PADI6: variants seen among roughly 807,000 people sequenced by gnomAD.
The protein encoded by PADI6 is peptidyl arginine deiminase 6.
In PADI6, 66 loss-of-function variants were observed where a neutral mutation model predicts 78.2. That is an observed-to-expected ratio of 0.84 (90% CI 0.69 to 1.04). PADI6 has a LOEUF of 1.04. Ranked by LOEUF, PADI6 falls within the 50% of genes least tolerant of loss-of-function variation. The pLI is 0.00. For missense variants in PADI6, 854 were observed against 866.1 expected (o/e 0.99, Z 0.18); for synonymous variants, 397 against 346.9 (o/e 1.14, Z -1.60).
chr1:17,397,541 T>TTGC (rs990821068), intron 14 of PADI6, among the ~76,000 whole-genome samples: 61 of 152,262 alleles, frequency 4.0e-4, no homozygotes, highest in African/African-American at 1.4e-3. Flanking sequence ...GGAGTTTACT[T>TTGC]TGCTATGACT....
chr1:17,392,070 G>C (rs774267776), intron 8 of PADI6, 44 bp from the exon 9 acceptor site: 105 of 1,496,574 alleles, frequency 7.0e-5, no homozygotes, highest in Non-Finnish European at 9.3e-5. Context: ...ACCAGTAAGG[G>C]ACCTTCGAAA....
At chr1:17,388,296 G>A in intron 6 of PADI6, 85 bp from the exon 7 acceptor site, 1 of 1,271,330 alleles carries the variant, frequency 7.9e-7, no homozygotes, top group Non-Finnish European at 1.1e-6. Context: ...CATCTGATAT[G>A]AGGAATGAGC....
chr1:17,393,875 A>G (rs2075217137), intron 9 of PADI6, 100 bp from the exon 10 acceptor site: 2 of 989,830 alleles, frequency 2.0e-6, no homozygotes, highest in African/African-American at 3.2e-5. Flanking sequence ...GTTGAGCAGG[A>G]GTTGGCAGGA....
chr1:17,373,287 G>A lies in PADI6; in HGVS notation c.294+54G>A, dbSNP rs192094366. On this transcript the variant is annotated intron_variant, in intron 2 of 15. Transcript: ENST00000619609. ...ATCTCCCGGGGTGGGACCTAGCACA[G>A]CCACTGGGGCTTCCTCCTGGCTGCA... 305 of 1,581,392 alleles carry A rather than the reference G, an allele frequency of 1.9e-4. 5 individuals are homozygous for A. In the Admixed American group the frequency reaches 5.1e-3, roughly 26 times the overall value.
chr1:17,398,365 A>C (rs2075266889), intron 14 of PADI6, among the ~76,000 whole-genome samples: 2 of 152,094 alleles, frequency 1.3e-5, no homozygotes, highest in South Asian at 4.1e-4. Flanking sequence ...GTTATGTCTG[A>C]AGCCTATTTC....
rs560611714 is a variant in PADI6 at position 17,377,498 on chromosome 1, TG to T, written c.367+2001del. Among the ~76,000 whole-genome samples the T allele has an allele frequency of 5.9e-5, 9 of 152,264 alleles. No homozygotes were observed. In the South Asian group the frequency reaches 1.9e-3, roughly 32 times the overall value. ...GCAGGCTGCTCCCACAAACCCGACT[TG>T]GATATTGCCTACCCAGCATGATCGC... is the stretch of plus-strand genomic sequence containing the variant. On this transcript the variant is annotated intron_variant, in intron 3 of 15. Transcript: ENST00000619609.
intron 3 of PADI6, among the ~76,000 whole-genome samples, 158 bp downstream of exon 3, chr1:17,375,657 G>A (rs1417205425): frequency 2.6e-5 from 4 of 151,936 alleles, no homozygotes; most frequent in Non-Finnish European, 2.9e-5. Flanking sequence ...GGATTCATTT[G>A]AGATACCCAC....
At chr1:17,397,920 A>G (rs184553418) in intron 14 of PADI6, among the ~76,000 whole-genome samples, 30 of 152,278 alleles carry the variant, frequency 2.0e-4, no homozygotes, top group African/African-American at 7.0e-4. Flanking sequence ...ATCAGACTCA[A>G]ATAGACGAGG....
chr1:17,398,604 G>C lies in PADI6; in HGVS notation c.1690-82G>C, dbSNP rs1404726763. 3 of 860,538 alleles carry C rather than the reference G, an allele frequency of 3.5e-6. No homozygotes were observed. The Admixed American group carries it at 6.4e-5, about 18-fold the overall frequency. 53.3% of individuals were successfully genotyped at this position (860,538 alleles called of 1,614,324 possible). On this transcript the variant is annotated intron_variant, in intron 14 of 15. Coordinates refer to ENST00000619609, the MANE Select transcript of PADI6 (RefSeq NM_207421.4). ...GGTGTCAGGCCATCACCTACCTTCA[G>C]TATGGAAGGAAACTGGTTTTAATTC...
chr1:17,383,320 A>G (rs900295315), intron 6 of PADI6, among the ~76,000 whole-genome samples: 1 of 152,190 alleles, frequency 6.6e-6, no homozygotes, highest in South Asian at 2.1e-4. Context: ...TAGCCAGAAA[A>G]GGTAGCCCAG....
intron 6 of PADI6, among the ~76,000 whole-genome samples, chr1:17,383,546 T>C (rs958928600): frequency 1.3e-5 from 2 of 152,198 alleles, no homozygotes; most frequent in Admixed American, 6.5e-5. Flanking sequence ...ACCGGTTTCT[T>C]TATTGAAAAA....
chr1:17,385,274 C>T (rs2075109098), intron 6 of PADI6, among the ~76,000 whole-genome samples: 1 of 152,168 alleles, frequency 6.6e-6, no homozygotes, highest in African/African-American at 2.4e-5. Flanking sequence ...TTTTCTCCAG[C>T]ATCTCAGGTG....
intron 3 of PADI6, among the ~76,000 whole-genome samples, chr1:17,376,314 G>C (rs2075015559): frequency 6.6e-6 from 1 of 150,614 alleles, no homozygotes; most frequent in Admixed American, 6.6e-5. Context: ...GTTTGTTTTT[G>C]TTTGAGATGG....
intron 15 of PADI6, 104 bp downstream of exon 15, chr1:17,398,951 G>A (rs539271597): frequency 3.9e-5 from 50 of 1,282,482 alleles, no homozygotes; most frequent in Admixed American, 1.0e-4. Context: ...AGCAGATAAC[G>A]GTACCTATGA....
intron 2 of PADI6, among the ~76,000 whole-genome samples, chr1:17,374,246 C>T (rs74058748): frequency 0.028 from 4,265 of 152,156 alleles, 221 homozygotes; most frequent in African/African-American, 0.096. Flanking sequence ...ATGTCTGCTG[C>T]AGAGGGGTAG....
chr1:17,401,542 C>A lies in PADI6; in HGVS notation c.*104C>A. 1 of 1,057,632 alleles carries A rather than the reference C, an allele frequency of 9.5e-7. No homozygotes were observed. Among genetic ancestry groups the A allele is most frequent in the Non-Finnish European group, 1.4e-6 (1 of 732,796 alleles). 65.5% of individuals were successfully genotyped at this position (1,057,632 alleles called of 1,614,324 possible). A position where few individuals can be genotyped will look rare whatever the true frequency, so the allele number is the denominator to read the frequency against. On this transcript the variant is annotated 3_prime_UTR_variant, in exon 16 of 16. Transcript: ENST00000619609. ...AGTAGAGGAGGCTGGAGAGTCCAGG[C>A]AACAGAACCCTTTCTTCCCTGTCTG...
At chr1:17,380,924 T>G in intron 4 of PADI6, 123 bp from the exon 5 acceptor site, 1 of 744,284 alleles carries the variant, frequency 1.3e-6, no homozygotes, top group Non-Finnish European at 2.2e-6. Context: ...TCACCAGTCC[T>G]GTTCCATGGG....
At chr1:17,401,089 G>A in intron 15 of PADI6, 116 bp from the exon 16 acceptor site, 1 of 850,562 alleles carries the variant, frequency 1.2e-6, no homozygotes, top group Admixed American at 2.6e-5. Context: ...TCACTGACCT[G>A]GAGGAGGCGG....
chr1:17,381,740 G>C (rs1286917533), intron 5 of PADI6, among the ~76,000 whole-genome samples: 1 of 152,132 alleles, frequency 6.6e-6, no homozygotes, highest in Non-Finnish European at 1.5e-5. Context: ...GGGGACCATG[G>C]GATAAATCCC....
Sources: gnomAD v4.1 joint callset for allele counts (sites outside exome capture counted in the v4.1 genomes callset) on GRCh38, gnomAD v4.1.1 for gene constraint, MANE v1.5 for transcripts, NCBI Gene and HGNC (gene_info 2026-07-23, HGNC 2026-07-21) for gene names.